KHDRBS2: variants seen among roughly 807,000 people sequenced by gnomAD.
KHDRBS2 encodes KH domain-containing, RNA-binding, signal transduction-associated protein 2.
Under a neutral mutation model 44.3 loss-of-function variants are expected in KHDRBS2, and 26 were observed. That is an observed-to-expected ratio of 0.59 (90% CI 0.43 to 0.81). The LOEUF (loss-of-function observed/expected upper bound fraction) is 0.81, where lower values mean the gene tolerates loss of function less well. KHDRBS2 is among the 40% of genes least tolerant of loss of function. KHDRBS2 has a pLI of 0.00. For synonymous variants in KHDRBS2, 194 were observed against 151.1 expected, an observed-to-expected ratio of 1.28 and a Z score of -2.08; for missense variants, 476 against 433.1, an observed-to-expected ratio of 1.10 and a Z score of -0.88.
At chr6:61,996,702 A>T (rs1777230204) in intron 3 of KHDRBS2, among the ~76,000 whole-genome samples, 1 of 152,086 alleles carries the variant, frequency 6.6e-6, no homozygotes, top group Non-Finnish European at 1.5e-5. Flanking sequence ...GCTCTTTTTG[A>T]GTCACATATA....
At chr6:61,926,033 A>G (rs1425870889) in intron 4 of KHDRBS2, among the ~76,000 whole-genome samples, 8 of 152,172 alleles carry the variant, frequency 5.3e-5, no homozygotes, top group Non-Finnish European at 1.0e-4. Flanking sequence ...ATCAAGTAGT[A>G]TAATTATGAA....
chr6:62,201,876 G>A lies in KHDRBS2; in HGVS notation c.92-24564C>T, dbSNP rs149913416. Reference sequence around the variant, plus strand: ...ACACAATTCAAAGTTACGCACGTTCGTAAGATTAAAGACATAAATATTTAG... The same window carrying A: ...ACACAATTCAAAGTTACGCACGTTCATAAGATTAAAGACATAAATATTTAG... On this transcript the variant is annotated intron_variant, in intron 1 of 8. Coordinates refer to ENST00000281156, the MANE Select transcript of KHDRBS2 (RefSeq NM_152688.4). Among the ~76,000 whole-genome samples the A allele has an allele frequency of 6.6e-4, 100 of 151,974 alleles. 1 individual carries two copies. Among genetic ancestry groups the A allele is most frequent in the African/African-American group, 2.2e-3 (92 of 41,502 alleles).
intron 1 of KHDRBS2, among the ~76,000 whole-genome samples, chr6:62,252,586 C>T (rs955914484): frequency 2.6e-5 from 4 of 151,852 alleles, no homozygotes; most frequent in African/African-American, 9.7e-5. Flanking sequence ...GCCTACTAGC[C>T]TCTGGATGAG....
At position 62,196,629 on chromosome 6, in the gene KHDRBS2, C is replaced by T. The variant is rs1825762613; in HGVS notation, c.92-19317G>A. Among the ~76,000 whole-genome samples, 7 of 152,100 alleles carry T rather than the reference C, an allele frequency of 4.6e-5. No homozygotes were observed. The South Asian group carries it at 1.5e-3, about 32-fold the overall frequency. ...ACCCACATTGCCAGTTTCAGTCACACATCCCCTGCATATATCCACTTCTTG... is the reference window on the plus strand; with the variant it reads ...ACCCACATTGCCAGTTTCAGTCACATATCCCCTGCATATATCCACTTCTTG... On this transcript the variant is annotated intron_variant, in intron 1 of 8. Transcript: ENST00000281156.
chr6:62,099,087 T>C (rs546501754), intron 2 of KHDRBS2, among the ~76,000 whole-genome samples: 1 of 152,200 alleles, frequency 6.6e-6, no homozygotes, highest in Non-Finnish European at 1.5e-5. Context: ...TGAACAGCTA[T>C]TTTAAATTAT....
chr6:61,898,317 A>G (rs924673713), intron 5 of KHDRBS2, among the ~76,000 whole-genome samples: 12 of 151,960 alleles, frequency 7.9e-5, no homozygotes, highest in African/African-American at 2.4e-4. Flanking sequence ...TTTTCAAGCA[A>G]TAACAAATAT....
At chr6:62,040,355 T>C (rs1033960150) in intron 3 of KHDRBS2, among the ~76,000 whole-genome samples, 6 of 152,058 alleles carry the variant, frequency 3.9e-5, no homozygotes, top group African/African-American at 1.4e-4. Flanking sequence ...AAAGTAGTAA[T>C]AATGTGTTCC....
intron 2 of KHDRBS2, among the ~76,000 whole-genome samples, chr6:62,118,127 T>G (rs1806728744): frequency 1.3e-5 from 2 of 152,352 alleles, no homozygotes; most frequent in Admixed American, 6.5e-5. Flanking sequence ...TTCTTTCTTC[T>G]GCATACAATT....
the KHDRBS2 span, among the ~76,000 whole-genome samples, chr6:61,643,621 T>C: frequency 6.6e-6 from 1 of 152,100 alleles, no homozygotes; most frequent in Non-Finnish European, 1.5e-5. Context: ...TTTCAGGACA[T>C]GAAATCAATG....
At chr6:61,796,768 A>G (rs1002094095) in intron 6 of KHDRBS2, among the ~76,000 whole-genome samples, 2 of 152,162 alleles carry the variant, frequency 1.3e-5, no homozygotes, top group Non-Finnish European at 2.9e-5. Flanking sequence ...CTTGATTCTG[A>G]CAGACATTTA....
intron 1 of KHDRBS2, among the ~76,000 whole-genome samples, chr6:62,285,173 T>C (rs1393662493): frequency 1.3e-5 from 2 of 152,166 alleles, no homozygotes; most frequent in Non-Finnish European, 2.9e-5. Flanking sequence ...TGTGTTCCTC[T>C]AGGAATGAAA....
chr6:62,071,933 G>A (rs1283146177), intron 2 of KHDRBS2, among the ~76,000 whole-genome samples: 1 of 152,120 alleles, frequency 6.6e-6, no homozygotes, highest in Non-Finnish European at 1.5e-5. Context: ...ACCTTGGACA[G>A]TATGGCCATT....
intron 6 of KHDRBS2, among the ~76,000 whole-genome samples, chr6:61,829,812 A>G (rs796745985): frequency 4.6e-5 from 7 of 152,142 alleles, no homozygotes; most frequent in African/African-American, 1.7e-4. Flanking sequence ...CAAAGACTGG[A>G]CCCATAGTCT....
chr6:61,968,816 A>T (rs1171152490), intron 4 of KHDRBS2, among the ~76,000 whole-genome samples: 1 of 152,138 alleles, frequency 6.6e-6, no homozygotes, highest in East Asian at 1.9e-4. Flanking sequence ...GGGTAGTTTA[A>T]GTAACCATGC....
Position 61,769,082 on chromosome 6 carries a change from C to T in KHDRBS2, c.811-36318G>A, listed in dbSNP as rs1780434041. Reference sequence around the variant, plus strand: ...AAAATGCTCAGATAAAGAGAATGGTCTTTTAAACCATTTTTACAGTTTAAT... The same window carrying T: ...AAAATGCTCAGATAAAGAGAATGGTTTTTTAAACCATTTTTACAGTTTAAT... On this transcript the variant is annotated intron_variant, in intron 6 of 8. Coordinates refer to ENST00000281156, the MANE Select transcript of KHDRBS2 (RefSeq NM_152688.4). 2.6e-5 allele frequency among the ~76,000 whole-genome samples: 4 copies of T among 152,078 alleles called. 1 individual carries two copies. In the South Asian group the frequency reaches 8.3e-4, roughly 32 times the overall value.
At chr6:61,966,785 C>T (rs1292883433) in intron 4 of KHDRBS2, among the ~76,000 whole-genome samples, 1 of 151,936 alleles carries the variant, frequency 6.6e-6, no homozygotes, top group Non-Finnish European at 1.5e-5. Context: ...ATCAGGTTAG[C>T]TTCCTGGCTC....
chr6:61,543,482 C>A, the KHDRBS2 span, among the ~76,000 whole-genome samples: 5 of 151,962 alleles, frequency 3.3e-5, no homozygotes, highest in Admixed American at 1.3e-4. Context: ...AGGGAACCCT[C>A]ATACACTAAT....
At chr6:61,771,673 C>A (rs1302029305) in intron 6 of KHDRBS2, among the ~76,000 whole-genome samples, 5 of 152,074 alleles carry the variant, frequency 3.3e-5, no homozygotes, top group African/African-American at 1.2e-4. Flanking sequence ...ACAGGAGCAC[C>A]CAGATTCATA....
intron 3 of KHDRBS2, among the ~76,000 whole-genome samples, chr6:62,025,067 T>C (rs1783044646): frequency 1.3e-5 from 2 of 151,830 alleles, no homozygotes; most frequent in South Asian, 2.1e-4. Context: ...TATGTCTATA[T>C]CTAGAAATCA....
Sources: allele counts gnomAD v4.1 joint callset (sites outside exome capture counted in the v4.1 genomes callset), GRCh38; gene constraint gnomAD v4.1.1; transcripts MANE v1.5; gene names NCBI Gene and HGNC (gene_info 2026-07-23, HGNC 2026-07-21).